TXLNB: variants seen among roughly 807,000 people sequenced by gnomAD.
TXLNB encodes taxilin beta.
TXLNB carries 37 observed loss-of-function variants against 57.4 expected under a neutral mutation model. That is an observed-to-expected ratio of 0.64 (90% confidence interval 0.50 to 0.85). The LOEUF is 0.85. Among genes scored for constraint, TXLNB ranks in the 40% least tolerant of loss-of-function variants. The probability of loss-of-function intolerance (pLI) is 0.00; values close to 1 mark genes in which losing one functional copy is unlikely to be tolerated. For missense variants in TXLNB, 848 were observed against 825.6 expected (o/e 1.03, Z -0.33); for synonymous variants, 302 against 309.6 (o/e 0.98, Z 0.26).
Position 139,284,633 on chromosome 6 carries a change from T to A in TXLNB, c.424+3843A>T, listed in dbSNP as rs528439813. On this transcript the variant is annotated intron_variant, in intron 2 of 9. Coordinates refer to ENST00000358430, the MANE Select transcript of TXLNB (RefSeq NM_153235.4). ...GAAACTAGAATGTGCACAGGCCTTG[T>A]GGGAGATGGCGTATAGCATGTTCAA... Among the ~76,000 whole-genome samples, 26 of 146,056 alleles carry A rather than the reference T, an allele frequency of 1.8e-4. 3 individuals are homozygous for A. The South Asian group carries it at 3.0e-3, about 17-fold the overall frequency.
At chr6:139,184,024 T>C in the TXLNB span, among the ~76,000 whole-genome samples, 25 of 152,328 alleles carry the variant, frequency 1.6e-4, no homozygotes, top group South Asian at 5.2e-3. Context: ...CCTCAAAGCA[T>C]GCTTTCAGAG....
chr6:139,248,776 G>A (rs1776127616), intron 7 of TXLNB, among the ~76,000 whole-genome samples: 1 of 152,122 alleles, frequency 6.6e-6, no homozygotes, highest in Non-Finnish European at 1.5e-5. Context: ...TTATGGAGAA[G>A]GTGAACCTGG....
the TXLNB span, among the ~76,000 whole-genome samples, chr6:139,311,191 C>A: frequency 6.6e-6 from 1 of 152,198 alleles, no homozygotes; most frequent in Non-Finnish European, 1.5e-5. Context: ...TGTGTCACTG[C>A]AAATGCTGGT....
chr6:139,182,635 C>A, the TXLNB span, among the ~76,000 whole-genome samples: 1 of 152,286 alleles, frequency 6.6e-6, no homozygotes, highest in African/African-American at 2.4e-5. Context: ...TCTCTCAACT[C>A]TGCAGTGAGG....
At chr6:139,236,248 T>C (rs1380600507), downstream of TXLNB, among the ~76,000 whole-genome samples, 1 of 152,128 alleles carries the variant, frequency 6.6e-6, no homozygotes, top group Non-Finnish European at 1.5e-5. Flanking sequence ...TGCAGACGGC[T>C]AAACTGAAAG....
At chr6:139,305,948 A>C in the TXLNB span, among the ~76,000 whole-genome samples, 1 of 152,188 alleles carries the variant, frequency 6.6e-6, no homozygotes, top group African/African-American at 2.4e-5. Context: ...AAGGAATGAA[A>C]ATGATTTATT....
the TXLNB span, among the ~76,000 whole-genome samples, chr6:139,230,151 A>G: frequency 6.6e-6 from 1 of 152,226 alleles, no homozygotes; most frequent in East Asian, 1.9e-4. Context: ...ACTGAATTGA[A>G]GGACTTCAAT....
At chr6:139,189,508 A>G in the TXLNB span, among the ~76,000 whole-genome samples, 3 of 152,236 alleles carry the variant, frequency 2.0e-5, no homozygotes, top group Non-Finnish European at 2.9e-5. Context: ...AATTAACAAG[A>G]TATTAATTAT....
At chr6:139,312,756 A>G in the TXLNB span, among the ~76,000 whole-genome samples, 3 of 152,182 alleles carry the variant, frequency 2.0e-5, no homozygotes, top group Non-Finnish European at 4.4e-5. Flanking sequence ...ACCCTTTTGT[A>G]AGGATAATTT....
intron 1 of TXLNB, among the ~76,000 whole-genome samples, chr6:139,291,709 C>T (rs1777303683): frequency 6.6e-6 from 1 of 152,156 alleles, no homozygotes; most frequent in African/African-American, 2.4e-5. Context: ...CTTATTTTCC[C>T]CTCCCCAGGG....
the TXLNB span, among the ~76,000 whole-genome samples, chr6:139,300,342 T>C: frequency 2.0e-5 from 3 of 152,320 alleles, no homozygotes; most frequent in South Asian, 6.2e-4. Flanking sequence ...TTTGATAGGA[T>C]GTAGAACAAC....
At chr6:139,189,882 C>T in the TXLNB span, among the ~76,000 whole-genome samples, 1 of 152,206 alleles carries the variant, frequency 6.6e-6, no homozygotes, top group Non-Finnish European at 1.5e-5. Context: ...GTAAATGTCA[C>T]TCCAAGTAGG....
At chr6:139,276,529 T>C (rs11967075) in intron 3 of TXLNB, among the ~76,000 whole-genome samples, 13,034 of 152,270 alleles carry the variant, frequency 0.086, 627 homozygotes, top group Middle Eastern at 0.11. Context: ...GATTGGGTGA[T>C]ATGGTTTATT....
chr6:139,245,367 G>A (rs1776044393), intron 8 of TXLNB: 1 of 152,206 alleles, frequency 6.6e-6, no homozygotes, highest in South Asian at 2.1e-4. Context: ...AATGTCTGGT[G>A]GTCACCAGGC....
chr6:139,226,188 C>A, the TXLNB span, among the ~76,000 whole-genome samples: 1 of 147,452 alleles, frequency 6.8e-6, no homozygotes, highest in Non-Finnish European at 1.5e-5. Flanking sequence ...GTCCCAGCTA[C>A]TCGGGAGGCT....
chr6:139,290,005 C>A (rs1777269144), intron 1 of TXLNB, among the ~76,000 whole-genome samples: 1 of 152,078 alleles, frequency 6.6e-6, no homozygotes, highest in Admixed American at 6.6e-5. Context: ...AGATAAGCAA[C>A]ACGAATGCTT....
At chr6:139,305,333 A>T in the TXLNB span, among the ~76,000 whole-genome samples, 1 of 152,210 alleles carries the variant, frequency 6.6e-6, no homozygotes, top group African/African-American at 2.4e-5. Context: ...CTAATATTTT[A>T]AAATATTGAT....
chr6:139,267,641 A>G (rs1296010467), intron 4 of TXLNB, among the ~76,000 whole-genome samples: 1 of 152,206 alleles, frequency 6.6e-6, no homozygotes, highest in Admixed American at 6.5e-5. Context: ...ATCAGTAAGT[A>G]CATTATATGT....
chr6:139,292,616 C>T (rs1056636844), upstream of TXLNB, among the ~76,000 whole-genome samples: 2 of 152,144 alleles, frequency 1.3e-5, no homozygotes, highest in African/African-American at 4.8e-5. This position sits in a 1 kb window ranked among gnomAD's most constrained non-coding sequence, Gnocchi z 4.0. Context: ...AATCTTCATG[C>T]ACGTGGTAAT....
Sources: allele counts gnomAD v4.1 joint callset (sites outside exome capture counted in the v4.1 genomes callset), GRCh38; gene constraint gnomAD v4.1.1; non-coding constraint Gnocchi (gnomAD v3.1); transcripts MANE v1.5; gene names NCBI Gene and HGNC (gene_info 2026-07-23, HGNC 2026-07-21).